NBPF9: variants seen among roughly 807,000 people sequenced by gnomAD.
NBPF9 encodes the protein NBPF member 9.
In NBPF9, 91 loss-of-function variants were observed where a neutral mutation model predicts 97.8. The ratio of observed to expected loss-of-function variants is 0.93; its 90% CI spans 0.79 to 1.11. The LOEUF is 1.11. Ranked by LOEUF, NBPF9 falls within the 50% of genes least tolerant of loss-of-function variation. The probability of loss-of-function intolerance (pLI) is 0.00; values close to 1 mark genes in which losing one functional copy is unlikely to be tolerated. For synonymous variants in NBPF9, 334 were observed against 359.5 expected (o/e 0.93, Z 0.80); for missense variants, 992 against 939.5 (o/e 1.06, Z -0.73).
exon 11 of NBPF9, chr1:149,077,406 C>G (rs782513652): frequency 6.2e-7 from 1 of 1,609,354 alleles, no homozygotes; most frequent in Non-Finnish European, 8.5e-7. Flanking sequence ...CTCTCTTCAG[C>G]CTTCTGCACC....
At chr1:149,070,371 G>C (rs1214661666) in intron 16 of NBPF9, among the ~76,000 whole-genome samples, 5 of 146,912 alleles carry the variant, frequency 3.4e-5, no homozygotes, top group Admixed American at 2.0e-4. Flanking sequence ...AGAAACATTG[G>C]ATCAGCCATT....
chr1:149,103,549 G>A lies in NBPF9; in HGVS notation c.-1091C>T, dbSNP rs587747269. 2 of 152,366 alleles carry A rather than the reference G, an allele frequency of 1.3e-5. No homozygotes were observed. Among genetic ancestry groups the A allele is most frequent in the Non-Finnish European group, 2.9e-5 (2 of 68,186 alleles). The allele number at this position is 152,366 out of a possible 1,614,324, so 9.4% of individuals were successfully genotyped here. A position where few individuals can be genotyped will look rare whatever the true frequency, so the allele number is the denominator to read the frequency against. ...GGATCCTCAGGGTCCCGCTCGGCGC[G>A]TCAGGAGAGCCCAAGGCGCAGGCGC... is the stretch of plus-strand genomic sequence containing the variant. On this transcript the variant is annotated 5_prime_UTR_variant, in exon 1 of 30. The change creates a new upstream start codon in the 5' untranslated region. Coordinates refer to ENST00000584027, the Ensembl canonical transcript of NBPF9.
chr1:149,074,124 G>A (rs1210256475), intron 12 of NBPF9, among the ~76,000 whole-genome samples: 2 of 151,352 alleles, frequency 1.3e-5, no homozygotes, highest in Non-Finnish European at 3.0e-5. Flanking sequence ...CCACAACGAA[G>A]TGGAGTCAGA....
At chr1:149,081,361 G>A (rs1481121836) in intron 7 of NBPF9, among the ~76,000 whole-genome samples, 68 of 151,914 alleles carry the variant, frequency 4.5e-4, no homozygotes, top group African/African-American at 1.5e-3. Context: ...CTCGTGCTCT[G>A]CCCGCCTCAG....
chr1:149,081,051 G>C (rs1309028945), intron 7 of NBPF9, among the ~76,000 whole-genome samples: 1 of 151,924 alleles, frequency 6.6e-6, no homozygotes, highest in Non-Finnish European at 1.5e-5. Context: ...ACAAGAGCCT[G>C]TGCACCAGGA....
At chr1:149,084,137 C>T (rs2080769375) in intron 5 of NBPF9, among the ~76,000 whole-genome samples, 2 of 150,122 alleles carry the variant, frequency 1.3e-5, no homozygotes, top group African/African-American at 4.9e-5. Context: ...GAACATCACA[C>T]ACCAGGGCCT....
chr1:149,060,932 C>A (rs2078555689), intron 23 of NBPF9: 1 of 415,728 alleles, frequency 2.4e-6, no homozygotes, highest in Non-Finnish European at 4.2e-6. Flanking sequence ...CACAAACACA[C>A]ACACACAGAG....
chr1:149,075,670 G>T (rs782633895), exon 12 of NBPF9: 3 of 1,609,866 alleles, frequency 1.9e-6, no homozygotes, highest in East Asian at 4.5e-5. Context: ...TTGTTCTGCT[G>T]GTTGGCCAGG....
chr1:149,095,672 A>T (rs587743612), intron 4 of NBPF9, among the ~76,000 whole-genome samples: 159 of 151,456 alleles, frequency 1.0e-3, no homozygotes, highest in African/African-American at 3.7e-3. Context: ...CATTAATAAG[A>T]TATACAGATG....
chr1:149,070,369 T>C, intron 16 of NBPF9, among the ~76,000 whole-genome samples: 2 of 146,010 alleles, frequency 1.4e-5, no homozygotes, highest in Non-Finnish European at 1.5e-5. Context: ...AAAGAAACAT[T>C]GGATCAGCCA....
intron 10 of NBPF9, 32 bp downstream of exon 10, chr1:149,077,851 C>T (rs1575846985): frequency 6.3e-7 from 1 of 1,592,610 alleles, no homozygotes; most frequent in East Asian, 2.2e-5. Context: ...TATGTTACCA[C>T]CCATTACTTG....
At position 149,060,714 on chromosome 1, in the gene NBPF9, G is replaced by T. The variant is rs2078534964; in HGVS notation, c.2304-19C>A. On this transcript the variant is annotated intron_variant, in intron 23 of 29. Transcript: ENST00000584027. ...GCTGAGCCTGGAAAAGGAGGAAAAA[G>T]TAAAGAATAAGCCAGGGGAAATCAG... 1.4e-5 allele frequency: 5 copies of T among 352,314 alleles called. No individual in the cohort carries two copies. The South Asian group carries it at 1.4e-4, about 10-fold the overall frequency. The allele number at this position is 352,314 out of a possible 1,614,324, so 21.8% of individuals were successfully genotyped here. A position where few individuals can be genotyped will look rare whatever the true frequency, so the allele number is the denominator to read the frequency against.
rs1553654798 is a variant in NBPF9, at chr1:149,077,401, T to C, written c.585A>G (p.Glu195=). The C allele has an allele frequency of 2.2e-5, 35 of 1,609,782 alleles. 1 individual carries two copies. In the South Asian group the frequency reaches 3.3e-4, roughly 15 times the overall value. Residue 195 remains glutamate (E), a synonymous_variant, in exon 11 of 30, where the codon GAA becomes GAG. Coordinates refer to ENST00000584027, the Ensembl canonical transcript of NBPF9. Reference sequence around the variant, plus strand: ...GTGAGTCCTCAGCGACTTTGCTCTCTTCAGCCTTCTGCACCTCCCTGATGA... The same window carrying C: ...GTGAGTCCTCAGCGACTTTGCTCTCCTCAGCCTTCTGCACCTCCCTGATGA...
chr1:149,100,179 A>G (rs1348218555), intron 3 of NBPF9, among the ~76,000 whole-genome samples: 1 of 141,402 alleles, frequency 7.1e-6, no homozygotes, highest in Non-Finnish European at 1.5e-5. Flanking sequence ...GATTGTAAAA[A>G]TTGTAAAAAG....
intron 5 of NBPF9, among the ~76,000 whole-genome samples, chr1:149,084,852 C>T (rs1412490920): frequency 2.7e-5 from 4 of 149,778 alleles, no homozygotes; most frequent in Admixed American, 6.7e-5. Context: ...GAATTGACCA[C>T]GGATCTTTGT....
At chr1:149,081,480 C>T (rs1184618817) in intron 7 of NBPF9, among the ~76,000 whole-genome samples, 64 of 151,190 alleles carry the variant, frequency 4.2e-4, no homozygotes, top group African/African-American at 1.5e-3. Context: ...GAGCAGACTC[C>T]TCTTGAAGCC....
At chr1:149,070,647 G>C (rs1181636282) in intron 16 of NBPF9, among the ~76,000 whole-genome samples, 3 of 151,782 alleles carry the variant, frequency 2.0e-5, no homozygotes, top group African/African-American at 7.2e-5. Flanking sequence ...CAGATGACAA[G>C]AGATACTGAA....
exon 16 of NBPF9, chr1:149,070,982 C>G: frequency 1.6e-5 from 25 of 1,612,470 alleles, no homozygotes; most frequent in East Asian, 2.2e-5. Flanking sequence ...GAGGATGAGC[C>G]AATGAGAGTT....
chr1:149,055,650 G>C, exon 30 of NBPF9: 1 of 1,611,750 alleles, frequency 6.2e-7, no homozygotes, highest in Non-Finnish European at 8.5e-7. Flanking sequence ...GCTTAGTAAG[G>C]GCTGCTTATT....
Sources: gnomAD v4.1 joint callset for allele counts (sites outside exome capture counted in the v4.1 genomes callset) on GRCh38, gnomAD v4.1.1 for gene constraint, MANE v1.5 for transcripts, NCBI Gene and HGNC (gene_info 2026-07-23, HGNC 2026-07-21) for gene names.